The following CCDC178 variants were observed in gnomAD, a reference collection of about 807,000 sequenced individuals.
CCDC178 encodes coiled-coil domain-containing protein 178.
CCDC178 carries 126 observed loss-of-function variants against 117.4 expected under a neutral mutation model. The observed-to-expected ratio is 1.07, with a 90% CI of 0.93 to 1.24. The LOEUF (loss-of-function observed/expected upper bound fraction) is 1.24, where lower values mean the gene tolerates loss of function less well. CCDC178 is among the 50% of genes most tolerant of loss of function. The probability of loss-of-function intolerance (pLI) is 0.00; values close to 1 mark genes in which losing one functional copy is unlikely to be tolerated. For synonymous variants in CCDC178, 283 were observed against 313.4 expected (o/e 0.90, Z 1.02); for missense variants, 1,030 against 986.9 (o/e 1.04, Z -0.59).
chr18:33,331,026 CTTTTT>C (rs67153629), intron 10 of CCDC178, among the ~76,000 whole-genome samples: 174 of 45,026 alleles, frequency 3.9e-3, no homozygotes, highest in African/African-American at 0.02. Flanking sequence ...ACAAACATTG[CTTTTT>C]TTTTTTTTTT....
intron 21 of CCDC178, among the ~76,000 whole-genome samples, chr18:33,043,023 G>T (rs185026677): frequency 2.6e-5 from 4 of 151,950 alleles, no homozygotes; most frequent in Admixed American, 1.3e-4. Flanking sequence ...AAAGAAAATC[G>T]AAAGTAAAGC....
At chr18:33,319,879 T>C (rs1275650430) in intron 11 of CCDC178, among the ~76,000 whole-genome samples, 1 of 152,312 alleles carries the variant, frequency 6.6e-6, no homozygotes, top group African/African-American at 2.4e-5. Flanking sequence ...AACTTTTTGA[T>C]GGGGTTGTTT....
At chr18:33,286,301 T>C (rs961437656) in intron 12 of CCDC178, among the ~76,000 whole-genome samples, 1 of 152,142 alleles carries the variant, frequency 6.6e-6, no homozygotes, top group African/African-American at 2.4e-5. Flanking sequence ...CTAAATGTTA[T>C]CCTATTTTAT....
At chr18:33,245,530 A>G in intron 14 of CCDC178, 102 bp from the exon 15 acceptor site, 1 of 1,187,698 alleles carries the variant, frequency 8.4e-7, no homozygotes, top group Non-Finnish European at 1.1e-6. Flanking sequence ...GTTGTCAAAA[A>G]TACAAAATTG....
intron 21 of CCDC178, among the ~76,000 whole-genome samples, chr18:33,025,489 G>T (rs1291690254): frequency 3.3e-5 from 5 of 152,002 alleles, no homozygotes; most frequent in African/African-American, 1.2e-4. Context: ...ATATTTGTAA[G>T]TCACTCACCT....
chr18:32,944,338 T>G (rs1191085509), intron 22 of CCDC178, among the ~76,000 whole-genome samples: 1 of 152,098 alleles, frequency 6.6e-6, no homozygotes, highest in Non-Finnish European at 1.5e-5. Flanking sequence ...AATATATCAG[T>G]GTTCAGAACT....
At chr18:33,090,031 C>A (rs910243087) in intron 21 of CCDC178, among the ~76,000 whole-genome samples, 2 of 152,000 alleles carry the variant, frequency 1.3e-5, no homozygotes, top group African/African-American at 4.8e-5. Flanking sequence ...GCAAGAATAC[C>A]CATTGCTACA....
intron 12 of CCDC178, among the ~76,000 whole-genome samples, chr18:33,285,418 T>C (rs11081796): frequency 0.046 from 7,065 of 152,248 alleles, 196 homozygotes; most frequent in East Asian, 0.12. Flanking sequence ...GTTATTTAAA[T>C]ATGTATTAAT....
intron 20 of CCDC178, among the ~76,000 whole-genome samples, chr18:33,132,936 G>A (rs2058083662): frequency 6.6e-6 from 1 of 151,746 alleles, no homozygotes; most frequent in African/African-American, 2.4e-5. Context: ...AGTTGTTAAA[G>A]GCATTTTAAT....
intron 11 of CCDC178, among the ~76,000 whole-genome samples, chr18:33,297,600 T>C (rs985711615): frequency 2.0e-5 from 3 of 152,142 alleles, no homozygotes; most frequent in South Asian, 2.1e-4. Context: ...CCTAGACACA[T>C]ACAACCTATT....
intron 2 of CCDC178, among the ~76,000 whole-genome samples, chr18:33,435,271 T>C (rs539501707): frequency 1.3e-5 from 2 of 152,250 alleles, no homozygotes; most frequent in African/African-American, 4.8e-5. Flanking sequence ...AAAATACAGT[T>C]CCTTGGCTAC....
chr18:33,029,731 G>C (rs2056299131), intron 21 of CCDC178, among the ~76,000 whole-genome samples: 1 of 151,764 alleles, frequency 6.6e-6, no homozygotes, highest in Non-Finnish European at 1.5e-5. Context: ...TAATATTCTG[G>C]TAATTTTTTC....
chr18:33,189,216 T>C (rs1330491695), intron 20 of CCDC178, among the ~76,000 whole-genome samples: 1 of 152,030 alleles, frequency 6.6e-6, no homozygotes, highest in African/African-American at 2.4e-5. Context: ...CCCATGGAAA[T>C]GAAGATTTGT....
intron 9 of CCDC178, among the ~76,000 whole-genome samples, chr18:33,344,310 C>CAAAAAAAAAAAA (rs58987470): frequency 3.7e-5 from 3 of 80,776 alleles, no homozygotes; most frequent in Non-Finnish European, 4.9e-5. Flanking sequence ...GACTCCGTCT[C>CAAAAAAAAAAAA]AAAAAAAAAA....
intron 12 of CCDC178, among the ~76,000 whole-genome samples, chr18:33,276,357 G>T (rs1466783049): frequency 6.6e-6 from 1 of 152,054 alleles, no homozygotes; most frequent in East Asian, 1.9e-4. Flanking sequence ...ACAATTTTAG[G>T]ACAGTTAAAC....
chr18:33,213,555 T>C (rs944918290), intron 19 of CCDC178, among the ~76,000 whole-genome samples: 4 of 151,970 alleles, frequency 2.6e-5, no homozygotes, highest in South Asian at 2.1e-4. Context: ...CAAAAAAACA[T>C]TGATATATTT....
At chr18:33,135,562 A>G (rs559428081) in intron 20 of CCDC178, among the ~76,000 whole-genome samples, 1 of 152,310 alleles carries the variant, frequency 6.6e-6, no homozygotes, top group Non-Finnish European at 1.5e-5. Flanking sequence ...AGAAGAAAGT[A>G]AAAGTCACAA....
At chr18:33,355,387 C>G (rs975338142) in intron 7 of CCDC178, among the ~76,000 whole-genome samples, 1 of 152,126 alleles carries the variant, frequency 6.6e-6, no homozygotes, top group African/African-American at 2.4e-5. Context: ...TGGCTGGCAA[C>G]AAAAGAAAGG....
At chr18:33,300,714 T>C (rs2062165955) in intron 11 of CCDC178, among the ~76,000 whole-genome samples, 1 of 152,178 alleles carries the variant, frequency 6.6e-6, no homozygotes, top group Non-Finnish European at 1.5e-5. Context: ...ACTTAGAGTA[T>C]ATGGCAGAAG....
Sources: gnomAD v4.1 joint callset for allele counts (sites outside exome capture counted in the v4.1 genomes callset) on GRCh38, gnomAD v4.1.1 for gene constraint, MANE v1.5 for transcripts, NCBI Gene and HGNC (gene_info 2026-07-23, HGNC 2026-07-21) for gene names.